Variants in PDGFRL observed in about 807,000 individuals in gnomAD.
PDGFRL encodes platelet derived growth factor receptor like.
In PDGFRL, 46 loss-of-function variants were observed where a neutral mutation model predicts 37.2. That is an observed-to-expected ratio of 1.24 (90% CI 0.98 to 1.58). The LOEUF is 1.58. Ranked by LOEUF, PDGFRL falls within the 40% of genes most tolerant of loss-of-function variation. PDGFRL has a pLI of 0.00. For missense variants in PDGFRL, 692 were observed against 467.6 expected, an observed-to-expected ratio of 1.48 and a Z score of -4.43; for synonymous variants, 251 against 184.3, an observed-to-expected ratio of 1.36 and a Z score of -2.93.
rs752149698 is a variant in PDGFRL, at chr8:17,628,721, G to T, written c.740G>T (p.Arg247Met). Residue 247 changes from arginine (R) to methionine (M), a missense_variant, in exon 4 of 6, where the codon AGG (arginine) becomes ATG (methionine). By Grantham distance (91) the Arg-to-Met change is moderately conservative. Coordinates refer to ENST00000251630, the MANE Select transcript of PDGFRL (RefSeq NM_001372073.1). ...HSEHQGVVYC[R>M]AEAGGRSQIS... ...GAGCACCAGGGTGTGGTTTACTGCA[G>T]GGCGGAGGCCGGGGGCAGATCTCAG... 3 of 1,614,172 alleles carry T rather than the reference G, an allele frequency of 1.9e-6. No individual in the cohort carries two copies. The highest frequency in any genetic ancestry group is 1.7e-6 in the Non-Finnish European group (2 of 1,180,000).
At chr8:17,581,980 G>C (rs1803717462) in intron 1 of PDGFRL, among the ~76,000 whole-genome samples, 1 of 152,134 alleles carries the variant, frequency 6.6e-6, no homozygotes, top group Non-Finnish European at 1.5e-5. Context: ...AGAGTTTGGA[G>C]GGCTCAGAAG....
intron 4 of PDGFRL, among the ~76,000 whole-genome samples, chr8:17,632,722 A>C (rs1005612223): frequency 6.6e-6 from 1 of 152,050 alleles, no homozygotes; most frequent in African/African-American, 2.4e-5. Flanking sequence ...ATGGCCTCAC[A>C]TGGACTCACC....
intron 5 of PDGFRL, among the ~76,000 whole-genome samples, chr8:17,636,319 TTCA>T (rs141824220): frequency 0.79 from 120,059 of 151,978 alleles, 49,149 homozygotes; most frequent in Non-Finnish European, 0.91. Context: ...TTCAGTCTTA[TTCA>T]TCATCTACAT....
Position 17,642,979 on chromosome 8 carries a change from C to A in PDGFRL, c.*178C>A. The A allele has an allele frequency of 1.9e-6, 1 of 538,244 alleles. No individual in the cohort carries two copies. Among genetic ancestry groups the A allele is most frequent in the East Asian group, 3.1e-5 (1 of 32,328 alleles). 33.3% of individuals were successfully genotyped at this position (538,244 alleles called of 1,614,324 possible). On this transcript the variant is annotated 3_prime_UTR_variant, in exon 6 of 6. Transcript: ENST00000251630. ...AAAAGGAAGTCATCCAGTCTATTCA[C>A]AGAAGTGTTAACTTTTCTAACAGAA...
At position 17,603,946 on chromosome 8, in the gene PDGFRL, T is replaced by G. The variant is rs2517185; in HGVS notation, c.353+14181T>G. On this transcript the variant is annotated intron_variant, in intron 2 of 5. Coordinates refer to ENST00000251630, the MANE Select transcript of PDGFRL (RefSeq NM_001372073.1). ...GGAAGTACCTAGAAGTGGGAAAGAGTATAAAACTTGGAGCATGAAGGGCAG... is the reference window on the plus strand; with the variant it reads ...GGAAGTACCTAGAAGTGGGAAAGAGGATAAAACTTGGAGCATGAAGGGCAG... 3.3e-3 allele frequency among the ~76,000 whole-genome samples: 498 copies of G among 152,052 alleles called. 1 individual carries two copies. The highest frequency in any genetic ancestry group is 5.6e-3 in the Non-Finnish European group (378 of 68,028).
At chr8:17,579,075 G>A (rs145896432) in intron 1 of PDGFRL, among the ~76,000 whole-genome samples, 258 of 152,208 alleles carry the variant, frequency 1.7e-3, no homozygotes, top group African/African-American at 6.0e-3. Context: ...GTGGGCACGT[G>A]TAATCCCAGC....
intron 2 of PDGFRL, among the ~76,000 whole-genome samples, chr8:17,612,394 C>T (rs1227774013): frequency 6.6e-6 from 1 of 151,814 alleles, no homozygotes; most frequent in African/African-American, 2.4e-5. Flanking sequence ...TTTTTTGAGA[C>T]AGTGTCTCAC....
At chr8:17,618,951 G>A (rs747777014) in intron 2 of PDGFRL, among the ~76,000 whole-genome samples, 6 of 152,098 alleles carry the variant, frequency 3.9e-5, no homozygotes, top group South Asian at 2.1e-4. Context: ...AGAGATTTCC[G>A]TTCAGGGTAA....
At chr8:17,641,169 G>A (rs1006729412) in intron 5 of PDGFRL, among the ~76,000 whole-genome samples, 3 of 152,174 alleles carry the variant, frequency 2.0e-5, no homozygotes, top group Non-Finnish European at 4.4e-5. Context: ...GATGAGCAGG[G>A]TTGAGAACTT....
chr8:17,592,332 C>T (rs962035582), intron 2 of PDGFRL, among the ~76,000 whole-genome samples: 1 of 152,308 alleles, frequency 6.6e-6, no homozygotes, highest in Admixed American at 6.5e-5. Context: ...GAGTCACTGT[C>T]CCCTGTCTGA....
chr8:17,617,434 T>G (rs1804551476), intron 2 of PDGFRL, among the ~76,000 whole-genome samples: 1 of 152,170 alleles, frequency 6.6e-6, no homozygotes. Flanking sequence ...GGGTCTTTGA[T>G]GAAGCATCTC....
At chr8:17,586,840 C>T (rs1173112430) in intron 1 of PDGFRL, among the ~76,000 whole-genome samples, 1 of 152,166 alleles carries the variant, frequency 6.6e-6, no homozygotes, top group African/African-American at 2.4e-5. Context: ...CAAGGTCACA[C>T]AGCCAGTAAG....
chr8:17,603,863 G>C (rs188089274), intron 2 of PDGFRL, among the ~76,000 whole-genome samples: 2 of 152,310 alleles, frequency 1.3e-5, no homozygotes, highest in African/African-American at 4.8e-5. Flanking sequence ...AAAGTTCCCT[G>C]GGTAAGGAAG....
At chr8:17,594,075 G>C (rs1001893350) in intron 2 of PDGFRL, among the ~76,000 whole-genome samples, 5 of 151,064 alleles carry the variant, frequency 3.3e-5, no homozygotes, top group Admixed American at 2.6e-4. Flanking sequence ...GTTTCTATGA[G>C]TTTGACAACT....
intron 2 of PDGFRL, among the ~76,000 whole-genome samples, chr8:17,601,265 A>G (rs1289326452): frequency 6.6e-6 from 1 of 152,194 alleles, no homozygotes; most frequent in African/African-American, 2.4e-5. Context: ...CCTCACACCC[A>G]GCACAGTCTC....
At chr8:17,590,028 G>A (rs2588155) in intron 2 of PDGFRL, among the ~76,000 whole-genome samples, 82,015 of 150,482 alleles carry the variant, frequency 0.55, 24,865 homozygotes, top group East Asian at 0.76. Flanking sequence ...TCAGGAGATC[G>A]AGGCTATCCT....
At chr8:17,601,747 A>C (rs1407338545) in intron 2 of PDGFRL, among the ~76,000 whole-genome samples, 3 of 152,022 alleles carry the variant, frequency 2.0e-5, no homozygotes, top group Admixed American at 6.6e-5. Context: ...GTGTTGGTTT[A>C]CTTAGGATAA....
intron 2 of PDGFRL, among the ~76,000 whole-genome samples, chr8:17,590,791 A>T (rs1042012229): frequency 4.6e-5 from 7 of 152,166 alleles, no homozygotes; most frequent in Admixed American, 1.3e-4. Flanking sequence ...TCATAATGAA[A>T]ACTGAAATGA....
chr8:17,591,970 G>A (rs779343662), intron 2 of PDGFRL, among the ~76,000 whole-genome samples: 1 of 152,126 alleles, frequency 6.6e-6, no homozygotes, highest in African/African-American at 2.4e-5. Context: ...GACTCTGCAT[G>A]TTCACAACGA....
Sources: allele counts gnomAD v4.1 joint callset (sites outside exome capture counted in the v4.1 genomes callset), GRCh38; gene constraint gnomAD v4.1.1; transcripts MANE v1.5; gene names NCBI Gene and HGNC (gene_info 2026-07-23, HGNC 2026-07-21).